CYP39A1: variants seen among roughly 807,000 people sequenced by gnomAD.
The protein encoded by CYP39A1 is 24-hydroxycholesterol 7-alpha-hydroxylase.
In CYP39A1, 49 loss-of-function variants were observed where a neutral mutation model predicts 58.1. The ratio of observed to expected loss-of-function variants is 0.84; its 90% CI spans 0.67 to 1.07. CYP39A1 has a LOEUF of 1.07. CYP39A1 is among the 50% of genes least tolerant of loss of function. The pLI, the probability that CYP39A1 is intolerant of heterozygous loss-of-function variation, is 0.00. For missense variants in CYP39A1, 531 were observed against 539.4 expected (o/e 0.98, Z 0.16); for synonymous variants, 209 against 187.6 (o/e 1.11, Z -0.93).
intron 7 of CYP39A1, among the ~76,000 whole-genome samples, chr6:46,598,805 T>C (rs2150528336): frequency 6.6e-6 from 1 of 152,298 alleles, no homozygotes; most frequent in African/African-American, 2.4e-5. Context: ...AATGTTAAAA[T>C]GAGAAATCCT....
chr6:46,578,727 C>T (rs1042144827), intron 10 of CYP39A1, among the ~76,000 whole-genome samples: 6 of 151,862 alleles, frequency 4.0e-5, no homozygotes, highest in Non-Finnish European at 4.4e-5. Context: ...ATGCAGCTTT[C>T]GAAGATTTTA....
At chr6:46,583,049 T>C in intron 10 of CYP39A1, 3 of 985,058 alleles carry the variant, frequency 3.0e-6, no homozygotes, top group Non-Finnish European at 2.4e-6. Context: ...GACAAGCCCA[T>C]GACTTTGTGG....
chr6:46,586,631 G>A (rs888567689), intron 10 of CYP39A1: 1 of 930,006 alleles, frequency 1.1e-6, no homozygotes, highest in African/African-American at 1.8e-5. Flanking sequence ...GTTTTCACAA[G>A]CCAAACTAAC....
intron 1 of CYP39A1, among the ~76,000 whole-genome samples, chr6:46,647,850 G>A (rs889491532): frequency 6.6e-6 from 1 of 152,002 alleles, no homozygotes; most frequent in African/African-American, 2.4e-5. Flanking sequence ...ATTTGTTTGA[G>A]TTCTTTGTAG....
intron 10 of CYP39A1, among the ~76,000 whole-genome samples, chr6:46,560,247 CT>C (rs1194631945): frequency 3.3e-5 from 5 of 152,042 alleles, no homozygotes; most frequent in Non-Finnish European, 7.4e-5. Flanking sequence ...AGTTGCTACA[CT>C]GAGAATAAAA....
At chr6:46,624,715 T>C (rs1164520093) in intron 7 of CYP39A1, among the ~76,000 whole-genome samples, 1 of 152,138 alleles carries the variant, frequency 6.6e-6, no homozygotes, top group Non-Finnish European at 1.5e-5. Flanking sequence ...GGATACATAA[T>C]ACGACATATT....
intron 6 of CYP39A1, among the ~76,000 whole-genome samples, chr6:46,626,050 CT>C (rs949550438): frequency 1.4e-5 from 2 of 145,460 alleles, no homozygotes; most frequent in Admixed American, 6.8e-5. Context: ...AAACAAAGTC[CT>C]TTTTTTTGGC....
intron 10 of CYP39A1, among the ~76,000 whole-genome samples, chr6:46,580,129 C>T (rs1772045876): frequency 6.6e-6 from 1 of 152,130 alleles, no homozygotes. Flanking sequence ...GTAACCCAAA[C>T]AGCATGATAC....
intron 10 of CYP39A1, among the ~76,000 whole-genome samples, chr6:46,569,770 C>T (rs186836268): frequency 2.4e-4 from 36 of 151,992 alleles, no homozygotes; most frequent in Non-Finnish European, 4.0e-4. Context: ...AATACAGGTG[C>T]TAGTATTTTT....
At chr6:46,644,206 A>G (rs1401240103) in intron 1 of CYP39A1, among the ~76,000 whole-genome samples, 2 of 152,180 alleles carry the variant, frequency 1.3e-5, no homozygotes, top group African/African-American at 4.8e-5. Flanking sequence ...GAATTTCACT[A>G]TGTCATATAA....
At chr6:46,555,526 C>A (rs372428446) in intron 10 of CYP39A1, among the ~76,000 whole-genome samples, 1 of 151,940 alleles carries the variant, frequency 6.6e-6, no homozygotes, top group East Asian at 1.9e-4. Flanking sequence ...CAATTTCCTG[C>A]CCTTTCCACC....
chr6:46,573,702 C>A (rs1165516541), intron 10 of CYP39A1, among the ~76,000 whole-genome samples: 2 of 152,100 alleles, frequency 1.3e-5, no homozygotes, highest in African/African-American at 4.8e-5. Flanking sequence ...GAGTCCTGGG[C>A]TCAGGAGTGT....
intron 10 of CYP39A1, among the ~76,000 whole-genome samples, chr6:46,577,621 G>A (rs1406067030): frequency 6.6e-6 from 1 of 152,082 alleles, no homozygotes; most frequent in African/African-American, 2.4e-5. Flanking sequence ...AAGAGTAGGG[G>A]TTGTTATTCT....
At chr6:46,606,034 C>T (rs997897436) in intron 7 of CYP39A1, among the ~76,000 whole-genome samples, 3 of 152,122 alleles carry the variant, frequency 2.0e-5, no homozygotes, top group African/African-American at 7.2e-5. Context: ...CAAGAGACTC[C>T]ACAGTGACCT....
intron 1 of CYP39A1, among the ~76,000 whole-genome samples, chr6:46,650,628 C>T (rs1002059934): frequency 2.7e-5 from 4 of 150,566 alleles, no homozygotes; most frequent in Non-Finnish European, 5.9e-5. Context: ...CTCAGCCTCT[C>T]GAGGAGCTGG....
At chr6:46,638,505 TAAGATA>T (rs1776135181) in intron 3 of CYP39A1, among the ~76,000 whole-genome samples, 2 of 152,056 alleles carry the variant, frequency 1.3e-5, no homozygotes, top group Admixed American at 1.3e-4. Flanking sequence ...GTAGCATACT[TAAGATA>T]AAGAATATAA....
intron 10 of CYP39A1, among the ~76,000 whole-genome samples, chr6:46,559,990 C>T (rs888913424): frequency 6.6e-6 from 1 of 152,046 alleles, no homozygotes; most frequent in Non-Finnish European, 1.5e-5. Context: ...TAGTAGAATG[C>T]ATTCTAGAAT....
rs749199800 is a variant in CYP39A1, at chr6:46,636,488, T to A, written c.639-6A>T. 11 of 1,570,394 alleles carry A rather than the reference T, an allele frequency of 7.0e-6. No individual in the cohort carries two copies. In the East Asian group the frequency reaches 2.5e-4, roughly 35 times the overall value. On this transcript the variant is annotated splice_polypyrimidine_tract_variant and splice_region_variant and intron_variant, in intron 4 of 11. Transcript: ENST00000275016. ...TTTTGGATTTTGACCAGTTTCTACA[T>A]GAGAAAAAATATATATAGAAATTAA...
chr6:46,591,913 A>G (rs2150517789), intron 8 of CYP39A1, among the ~76,000 whole-genome samples: 1 of 152,166 alleles, frequency 6.6e-6, no homozygotes, highest in East Asian at 1.9e-4. Context: ...CCGGGATCAT[A>G]ACATTTTAAT....
Sources: gnomAD v4.1 joint callset for allele counts (sites outside exome capture counted in the v4.1 genomes callset) on GRCh38, gnomAD v4.1.1 for gene constraint, MANE v1.5 for transcripts, NCBI Gene and HGNC (gene_info 2026-07-23, HGNC 2026-07-21) for gene names.